The following KALRN variants were observed in gnomAD, a reference collection of about 807,000 sequenced individuals.
KALRN encodes the protein kalirin RhoGEF kinase, also known as kalirin.
KALRN carries 70 observed loss-of-function variants against 353.7 expected under a neutral mutation model. That is an observed-to-expected ratio of 0.20 (90% CI 0.16 to 0.24). KALRN has a LOEUF of 0.24. Among genes scored for constraint, KALRN ranks in the 10% least tolerant of loss-of-function variants. The probability of loss-of-function intolerance (pLI) is 1.00; values close to 1 mark genes in which losing one functional copy is unlikely to be tolerated. For synonymous variants in KALRN, 1,391 were observed against 1,434.8 expected (o/e 0.97, Z 0.69); for missense variants, 2,791 against 3,756.7 (o/e 0.74, Z 6.72).
intron 33 of KALRN, chr3:124,518,790 G>A: frequency 1.6e-6 from 2 of 1,248,332 alleles, no homozygotes; most frequent in Non-Finnish European, 2.0e-6. Flanking sequence ...AGAACAGCAG[G>A]TACGCCCAGG....
chr3:124,688,115 C>A (rs1297345578), intron 51 of KALRN, among the ~76,000 whole-genome samples: 3 of 152,020 alleles, frequency 2.0e-5, no homozygotes, highest in Non-Finnish European at 4.4e-5. Flanking sequence ...AGTTCAAGAC[C>A]AGCTGGGCAA....
At chr3:124,493,631 C>T (rs954977767) in intron 32 of KALRN, among the ~76,000 whole-genome samples, 1 of 152,218 alleles carries the variant, frequency 6.6e-6, no homozygotes, top group Non-Finnish European at 1.5e-5. Context: ...AGGTTCTTCC[C>T]TCCTCCCCTG....
At chr3:124,637,472 T>C (rs1427609737) in intron 37 of KALRN, among the ~76,000 whole-genome samples, 169 bp downstream of exon 37, 1 of 152,156 alleles carries the variant, frequency 6.6e-6, no homozygotes, top group Non-Finnish European at 1.5e-5. Context: ...TTGACTTTGT[T>C]TGGGAATGGG....
chr3:124,281,504 C>A (rs2075339761), intron 5 of KALRN, among the ~76,000 whole-genome samples: 1 of 152,170 alleles, frequency 6.6e-6, no homozygotes. Context: ...TTTGCACATT[C>A]CCACCTTTTC....
At position 124,718,959 on chromosome 3, in the gene KALRN, T is replaced by G; in HGVS notation, c.8450T>G (p.Val2817Gly). The G allele has an allele frequency of 1.2e-6, 2 of 1,614,254 alleles. No homozygotes were observed. The highest frequency in any genetic ancestry group is 8.5e-7 in the Non-Finnish European group (1 of 1,180,046). ...CTGCTCATTGACCTACGGATTCCAGTGCCTCGAGTGAAGCTCATTGACTTG... is the reference window on the plus strand; with the variant it reads ...CTGCTCATTGACCTACGGATTCCAGGGCCTCGAGTGAAGCTCATTGACTTG... ...ENLLIDLRIPVPRVKLIDLED... is the reference protein window; with the variant it reads ...ENLLIDLRIPGPRVKLIDLED... The change falls in exon 60 of 60, where the codon GTG (valine) becomes GGG (glycine). Residue 2817 changes from valine to glycine, a missense_variant. This residue lies in a region of KALRN where 188 missense variants were observed against 402.9 expected (regional missense o/e 0.47). Coordinates refer to ENST00000682506, the MANE Select transcript of KALRN (RefSeq NM_001388419.1).
At chr3:124,339,085 A>T (rs757028446) in intron 9 of KALRN, among the ~76,000 whole-genome samples, 7 of 152,252 alleles carry the variant, frequency 4.6e-5, no homozygotes, top group Admixed American at 2.0e-4. Flanking sequence ...ATTCTTAAGC[A>T]TTCTGAAGTT....
At chr3:124,479,141 G>A (rs140691938) in intron 27 of KALRN, among the ~76,000 whole-genome samples, 2 of 152,330 alleles carry the variant, frequency 1.3e-5, no homozygotes, top group Non-Finnish European at 2.9e-5. Context: ...ACATCTCAGT[G>A]CCTGGCACCA....
chr3:124,651,263 A>G (rs1443818516), intron 38 of KALRN, among the ~76,000 whole-genome samples: 2 of 152,228 alleles, frequency 1.3e-5, no homozygotes, highest in African/African-American at 2.4e-5. Context: ...CTGAGGGCCT[A>G]TAGAATCAGA....
intron 3 of KALRN, among the ~76,000 whole-genome samples, chr3:124,245,669 T>TGTC (rs71632689): frequency 2.0e-5 from 3 of 151,960 alleles, no homozygotes; most frequent in Non-Finnish European, 4.4e-5. Context: ...TGTTTTTTTT[T>TGTC]GTCATTGTTG....
At chr3:124,178,245 T>C (rs1416837516) in intron 1 of KALRN, among the ~76,000 whole-genome samples, 1 of 152,234 alleles carries the variant, frequency 6.6e-6, no homozygotes, top group South Asian at 2.1e-4. Flanking sequence ...CCGTGGATAG[T>C]ACCAAACCCT....
intron 1 of KALRN, among the ~76,000 whole-genome samples, chr3:124,182,742 A>G (rs2073773576): frequency 6.6e-6 from 1 of 152,174 alleles, no homozygotes; most frequent in Admixed American, 6.5e-5. Flanking sequence ...CCCCAGACCC[A>G]TCTGGCTTCA....
chr3:124,300,131 T>C (rs1385621271), intron 6 of KALRN, among the ~76,000 whole-genome samples: 1 of 152,194 alleles, frequency 6.6e-6, no homozygotes, highest in Non-Finnish European at 1.5e-5. Flanking sequence ...AAATATGCTA[T>C]GCACTAGAGT....
At chr3:124,579,895 T>G (rs1414956226) in intron 34 of KALRN, among the ~76,000 whole-genome samples, 1 of 152,088 alleles carries the variant, frequency 6.6e-6, no homozygotes, top group African/African-American at 2.4e-5. Context: ...CACACCCAGG[T>G]CATGGGCTTA....
chr3:124,677,011 T>A (rs1039198087), intron 49 of KALRN, among the ~76,000 whole-genome samples: 4 of 152,166 alleles, frequency 2.6e-5, no homozygotes, highest in Non-Finnish European at 5.9e-5. Context: ...AGCGGATAAA[T>A]ATTTTTGGAA....
At chr3:124,284,758 C>T (rs945428084) in intron 5 of KALRN, among the ~76,000 whole-genome samples, 1 of 152,068 alleles carries the variant, frequency 6.6e-6, no homozygotes, top group Non-Finnish European at 1.5e-5. Context: ...CTTTGGGCTT[C>T]AAGAAACAGA....
At chr3:124,523,222 A>G (rs968175078) in intron 33 of KALRN, among the ~76,000 whole-genome samples, 11 of 152,174 alleles carry the variant, frequency 7.2e-5, no homozygotes, top group African/African-American at 2.2e-4. Context: ...AACATTTTTC[A>G]TAACACTAGC....
chr3:124,518,766 C>T, intron 33 of KALRN: 5 of 1,322,364 alleles, frequency 3.8e-6, no homozygotes, highest in Non-Finnish European at 4.8e-6. Context: ...ATGTACTTCC[C>T]CCAGATCCCA....
chr3:124,414,966 AAAGACCAGCATTCAAAGGG>A (rs2092415926), intron 14 of KALRN, among the ~76,000 whole-genome samples: 1 of 152,242 alleles, frequency 6.6e-6, no homozygotes. Flanking sequence ...CTGAAAGAGT[AAAGACCAGCATTCAAAGGG>A]ACTTCACTCC....
chr3:124,278,028 G>GTGTGTGTGTGTGTGT (rs1553889104), intron 5 of KALRN, among the ~76,000 whole-genome samples: 1 of 150,424 alleles, frequency 6.6e-6, no homozygotes, highest in Non-Finnish European at 1.5e-5. Flanking sequence ...GTGTGTGTGT[G>GTGTGTGTGTGTGTGT]GTGCAGGGCA....
Sources: gnomAD v4.1 joint callset for allele counts (sites outside exome capture counted in the v4.1 genomes callset) on GRCh38, gnomAD v4.1.1 for gene constraint, gnomAD v4.1.1 regional missense constraint, MANE v1.5 for transcripts, NCBI Gene and HGNC (gene_info 2026-07-23, HGNC 2026-07-21) for gene names.